The following KCNIP4 variants were observed in gnomAD, a reference collection of about 807,000 sequenced individuals.
KCNIP4 encodes potassium voltage-gated channel interacting protein 4, also known as Kv channel-interacting protein 4.
In KCNIP4, 12 loss-of-function variants were observed where a neutral mutation model predicts 34.0. The observed-to-expected ratio is 0.35, with a 90% CI of 0.23 to 0.57. The LOEUF (loss-of-function observed/expected upper bound fraction) is 0.57. KCNIP4 is among the 20% of genes least tolerant of loss of function. The pLI is 0.83. For synonymous variants in KCNIP4, 124 were observed against 102.2 expected, an observed-to-expected ratio of 1.21 and a Z score of -1.29; for missense variants, 238 against 311.7, an observed-to-expected ratio of 0.76 and a Z score of 1.78.
intron 2 of KCNIP4, among the ~76,000 whole-genome samples, chr4:20,873,891 T>G (rs1012532264): frequency 1.3e-5 from 2 of 152,192 alleles, no homozygotes; most frequent in African/African-American, 4.8e-5. Context: ...CTTTATCTTT[T>G]GAAGTACCTA....
At chr4:21,942,842 C>G (rs1730279854) in intron 1 of KCNIP4, among the ~76,000 whole-genome samples, 1 of 152,224 alleles carries the variant, frequency 6.6e-6, no homozygotes. Flanking sequence ...ACTGCAACCT[C>G]TGCCTCCTGG....
At chr4:20,740,630 G>A (rs1378786961) in intron 5 of KCNIP4, among the ~76,000 whole-genome samples, 2 of 152,202 alleles carry the variant, frequency 1.3e-5, no homozygotes, top group African/African-American at 2.4e-5. Context: ...ATGCCAAATT[G>A]TAAAGACCAT....
intron 1 of KCNIP4, among the ~76,000 whole-genome samples, chr4:21,001,710 A>G (rs1738151712): frequency 6.6e-6 from 1 of 152,210 alleles, no homozygotes; most frequent in Non-Finnish European, 1.5e-5. Context: ...CTTAACTGTC[A>G]CAAGGACTCT....
rs547612206 is a variant in KCNIP4, at chr4:20,744,466, A to G, written c.429+5196T>C. 2.8e-3 allele frequency among the ~76,000 whole-genome samples: 419 copies of G among 151,532 alleles called. 6 individuals carry two copies. The highest frequency in any genetic ancestry group is 9.9e-3 in the African/African-American group (405 of 40,852). ...AAAAGGATGAGTTCATGTCCTTTGT[A>G]GGGACATGGATGAAGCTGGAAACCA... On this transcript the variant is annotated intron_variant, in intron 5 of 8. Coordinates refer to ENST00000382152, the MANE Select transcript of KCNIP4 (RefSeq NM_025221.6).
At chr4:21,480,206 C>G (rs1328879349) in intron 1 of KCNIP4, among the ~76,000 whole-genome samples, 1 of 151,622 alleles carries the variant, frequency 6.6e-6, no homozygotes, top group Non-Finnish European at 1.5e-5. Flanking sequence ...AAAATGAAAC[C>G]AAATTTCCAA....
At chr4:21,449,373 G>T (rs915016997) in intron 1 of KCNIP4, among the ~76,000 whole-genome samples, 1 of 152,070 alleles carries the variant, frequency 6.6e-6, no homozygotes, top group African/African-American at 2.4e-5. Context: ...AGATAGAAAA[G>T]AATTTTGCCT....
intron 1 of KCNIP4, among the ~76,000 whole-genome samples, chr4:21,144,942 T>G (rs1178352681): frequency 6.6e-6 from 1 of 151,300 alleles, no homozygotes; most frequent in Non-Finnish European, 1.5e-5. Context: ...GTTTTGGGAG[T>G]TTGGCACTTT....
At chr4:21,487,653 G>A (rs531955775) in intron 1 of KCNIP4, among the ~76,000 whole-genome samples, 3 of 152,028 alleles carry the variant, frequency 2.0e-5, no homozygotes, top group African/African-American at 4.8e-5. Flanking sequence ...GAAATTATTC[G>A]GAATTCTTCT....
intron 1 of KCNIP4, chr4:21,608,960 C>G (rs1743935428): frequency 3.3e-5 from 5 of 152,214 alleles, no homozygotes; most frequent in Non-Finnish European, 7.3e-5. Context: ...GTGGTGCTTC[C>G]TCACAGCCAA....
chr4:21,464,733 G>C (rs1729765313), intron 1 of KCNIP4: 1 of 152,084 alleles, frequency 6.6e-6, no homozygotes, highest in African/African-American at 2.4e-5. Context: ...AAGAAATAGA[G>C]GACTTGAGCA....
chr4:20,963,287 A>G (rs1326782040), intron 1 of KCNIP4, among the ~76,000 whole-genome samples: 1 of 152,074 alleles, frequency 6.6e-6, no homozygotes, highest in Non-Finnish European at 1.5e-5. Flanking sequence ...AAATTGCACC[A>G]CTGCACTCCA....
At chr4:21,893,412 A>G (rs930090736) in intron 1 of KCNIP4, among the ~76,000 whole-genome samples, 24 of 152,186 alleles carry the variant, frequency 1.6e-4, no homozygotes, top group African/African-American at 5.8e-4. Flanking sequence ...TGTTGTTCCA[A>G]CGATGAGGCT....
intron 3 of KCNIP4, among the ~76,000 whole-genome samples, chr4:20,833,072 T>A (rs757754856): frequency 6.6e-6 from 1 of 152,222 alleles, no homozygotes; most frequent in Non-Finnish European, 1.5e-5. Context: ...TGAGTCAGTC[T>A]CACAAATGTG....
chr4:20,879,452 C>T (rs1305972102), intron 2 of KCNIP4, among the ~76,000 whole-genome samples: 2 of 152,148 alleles, frequency 1.3e-5, no homozygotes, highest in Non-Finnish European at 2.9e-5. Context: ...GTCTGATAGT[C>T]TTCTCAAACA....
chr4:21,581,229 C>T (rs1470274381), intron 1 of KCNIP4, among the ~76,000 whole-genome samples: 1 of 151,832 alleles, frequency 6.6e-6, no homozygotes, highest in Non-Finnish European at 1.5e-5. Context: ...AACAAACAAG[C>T]AGGAGGTCTG....
At chr4:21,916,688 G>A (rs1260768031) in intron 1 of KCNIP4, among the ~76,000 whole-genome samples, 6 of 152,210 alleles carry the variant, frequency 3.9e-5, no homozygotes, top group East Asian at 1.9e-4. Flanking sequence ...GGAAATCAAA[G>A]TGAATGCTAT....
At chr4:21,387,967 G>C (rs113121462) in intron 1 of KCNIP4, among the ~76,000 whole-genome samples, 1 of 152,130 alleles carries the variant, frequency 6.6e-6, no homozygotes, top group Admixed American at 6.6e-5. Flanking sequence ...AGCTCAGAGA[G>C]GGGAATGAGT....
At chr4:20,731,457 C>G (rs1748180201) in intron 8 of KCNIP4, 1 of 985,182 alleles carries the variant, frequency 1.0e-6, no homozygotes, top group African/African-American at 1.7e-5. Flanking sequence ...TGATAACAGG[C>G]TACTACCTGG....
At chr4:21,219,586 T>C (rs1757842474) in intron 1 of KCNIP4, among the ~76,000 whole-genome samples, 1 of 152,146 alleles carries the variant, frequency 6.6e-6, no homozygotes, top group African/African-American at 2.4e-5. Flanking sequence ...TTATACATTC[T>C]CAAATTAACC....
Sources: gnomAD v4.1 joint callset for allele counts (sites outside exome capture counted in the v4.1 genomes callset) on GRCh38, gnomAD v4.1.1 for gene constraint, MANE v1.5 for transcripts, NCBI Gene and HGNC (gene_info 2026-07-23, HGNC 2026-07-21) for gene names.